Variants in SI observed in about 807,000 individuals in gnomAD.
The protein encoded by SI is sucrase-isomaltase, intestinal.
In SI, 235 loss-of-function variants were observed where a neutral mutation model predicts 253.3. The observed-to-expected ratio is 0.93, with a 90% CI of 0.83 to 1.03. The LOEUF (loss-of-function observed/expected upper bound fraction) is 1.03, where lower values mean the gene tolerates loss of function less well. Ranked by LOEUF, SI falls within the 50% of genes least tolerant of loss-of-function variation. The pLI is 0.00. For missense variants in SI, 2,442 were observed against 2,211.1 expected (o/e 1.10, Z -2.09); for synonymous variants, 819 against 712.0 (o/e 1.15, Z -2.39).
At chr3:165,055,398 A>T (rs1368402295) in intron 12 of SI, 91 bp from the exon 13 acceptor site, 9 of 743,930 alleles carry the variant, frequency 1.2e-5, no homozygotes, top group Non-Finnish European at 1.8e-5. Flanking sequence ...ATAGTAAAAA[A>T]AAATAAAGTT....
At chr3:165,087,681 C>T in the SI span, among the ~76,000 whole-genome samples, 1 of 152,134 alleles carries the variant, frequency 6.6e-6, no homozygotes, top group Admixed American at 6.6e-5. Context: ...AAGTTTTATA[C>T]TTTTTACCTC....
rs1712301007 is a variant in SI at position 165,032,510 on chromosome 3, G to T, written c.2736+12C>A. 2.6e-6 allele frequency: 4 copies of T among 1,562,202 alleles called. No individual in the cohort carries two copies. The highest frequency in any genetic ancestry group is 3.4e-5 in the Admixed American group (2 of 59,330). On this transcript the variant is annotated intron_variant, in intron 24 of 47. Transcript: ENST00000264382. ...ATATGATAGCTAAAATATTTTAAAA[G>T]ATTGTAATTACCTGGTTAGAAGCAT...
In SI at chr3:165,017,766, G is replaced by A; in HGVS notation, c.3628C>T (p.His1210Tyr). Residue 1210 changes from histidine to tyrosine, a missense_variant, in exon 30 of 48, where the codon CAT (histidine) becomes TAT (tyrosine). His to Tyr is a moderately conservative substitution (Grantham distance 83, BLOSUM62 2). Transcript: ENST00000264382. ...PTPEVATKQY[H>Y]EVIGHPVMPA... Reference sequence around the variant, plus strand: ...AAAGAAATATGCAATCATACTTCATGGTATTGCTTTGTTGCAACTTCTGGA... The same window carrying A: ...AAAGAAATATGCAATCATACTTCATAGTATTGCTTTGTTGCAACTTCTGGA... 1 of 1,609,530 alleles carries A rather than the reference G, an allele frequency of 6.2e-7. No individual in the cohort carries two copies. Among genetic ancestry groups the A allele is most frequent in the Non-Finnish European group, 8.5e-7 (1 of 1,176,396 alleles).
intron 37 of SI, among the ~76,000 whole-genome samples, chr3:165,000,403 T>G (rs1448577363): frequency 6.6e-6 from 1 of 151,358 alleles, no homozygotes; most frequent in Non-Finnish European, 1.5e-5. Flanking sequence ...AGTTAATATA[T>G]TGTATATTTC....
At chr3:165,067,236 CT>C in intron 6 of SI, 103 bp downstream of exon 6, 2 of 921,140 alleles carry the variant, frequency 2.2e-6, no homozygotes, top group Non-Finnish European at 3.2e-6. Context: ...CACCTACCCT[CT>C]TTTGGGAGGA....
intron 12 of SI, among the ~76,000 whole-genome samples, chr3:165,057,628 A>G (rs1713759636): frequency 6.6e-6 from 1 of 151,792 alleles, no homozygotes; most frequent in Admixed American, 6.6e-5. Context: ...GCTCCAATAT[A>G]TCTGGCACAG....
chr3:165,042,641 C>A (rs974902268), intron 17 of SI, among the ~76,000 whole-genome samples: 2 of 151,976 alleles, frequency 1.3e-5, no homozygotes, highest in Non-Finnish European at 2.9e-5. Flanking sequence ...TCTTTAAATT[C>A]TTGTTTTACA....
At chr3:165,022,818 T>G (rs1711698586) in intron 26 of SI, among the ~76,000 whole-genome samples, 1 of 151,666 alleles carries the variant, frequency 6.6e-6, no homozygotes, top group Non-Finnish European at 1.5e-5. Flanking sequence ...CACTAAGATT[T>G]ATATGAAAAT....
chr3:165,026,071 T>C (rs1052682545), intron 25 of SI, among the ~76,000 whole-genome samples: 4 of 151,150 alleles, frequency 2.6e-5, no homozygotes, highest in Non-Finnish European at 4.4e-5. Flanking sequence ...CAACCAACTA[T>C]CTGCTGCCTC....
At chr3:164,989,559 G>A (rs767127631) in intron 44 of SI, among the ~76,000 whole-genome samples, 1 of 152,034 alleles carries the variant, frequency 6.6e-6, no homozygotes, top group Non-Finnish European at 1.5e-5. Context: ...TTAGTAGTTT[G>A]ATGGAGTAGT....
In SI at chr3:165,068,794, T is replaced by C. The variant is rs751146912; in HGVS notation, c.411A>G (p.Thr137=). Residue 137 remains threonine, a synonymous_variant, in exon 5 of 48, where the codon ACA becomes ACG. Coordinates refer to ENST00000264382, the MANE Select transcript of SI (RefSeq NM_001041.4). ...CACTGTTGATGTCATTTCCAAATAG[T>C]GTAGGTGAAGGTATCCTGTTTAATT... ...EAKLNRIPSP[T]LFGNDINSVL... 1 of 1,613,696 alleles carries C rather than the reference T, an allele frequency of 6.2e-7. No individual in the cohort carries two copies. The highest frequency in any genetic ancestry group is 8.5e-7 in the Non-Finnish European group (1 of 1,179,796).
chr3:164,980,065 CTGA>C (rs1431695722), intron 47 of SI, among the ~76,000 whole-genome samples: 2 of 151,708 alleles, frequency 1.3e-5, no homozygotes, highest in African/African-American at 4.8e-5. Flanking sequence ...GTCCAATGAA[CTGA>C]TAAGATTTTC....
intron 34 of SI, among the ~76,000 whole-genome samples, chr3:165,010,607 A>T (rs1312178939): frequency 6.6e-6 from 1 of 152,216 alleles, no homozygotes; most frequent in Admixed American, 6.5e-5. Context: ...TTAATAACAA[A>T]TGGTAGTGCC....
chr3:164,987,238 A>G lies in SI; in HGVS notation c.5109-12T>C, dbSNP rs1410807270. 6.2e-7 allele frequency: 1 copy of G among 1,605,948 alleles called. No homozygotes were observed. Among genetic ancestry groups the G allele is most frequent in the South Asian group, 1.1e-5 (1 of 90,904 alleles). ...TGTGTTTTTGTCGACTATAAGAAAG[A>G]AATATATAATTTTACCCATGTTTGT... On this transcript the variant is annotated splice_polypyrimidine_tract_variant and intron_variant, in intron 44 of 47. Transcript: ENST00000264382.
intron 3 of SI, among the ~76,000 whole-genome samples, chr3:165,074,049 T>C (rs1423521376): frequency 2.6e-5 from 4 of 152,066 alleles, no homozygotes; most frequent in East Asian, 1.9e-4. Context: ...ATGAATCCAA[T>C]TGGTTACACC....
At position 164,979,121 on chromosome 3, in the gene SI, C is replaced by G. The variant is rs1717050602; in HGVS notation, c.*241G>C. On this transcript the variant is annotated 3_prime_UTR_variant, in exon 48 of 48. Coordinates refer to ENST00000264382, the MANE Select transcript of SI (RefSeq NM_001041.4). Reference sequence around the variant, plus strand: ...AACTAGTTTACAATTGTAGCTGATACTTAACAAGGATAAATAGGGCTATTC... The same window carrying G: ...AACTAGTTTACAATTGTAGCTGATAGTTAACAAGGATAAATAGGGCTATTC... 2.3e-6 allele frequency: 1 copy of G among 440,984 alleles called. No individual in the cohort carries two copies. The allele number at this position is 440,984 out of a possible 1,614,324, so 27.3% of individuals were successfully genotyped here. A position where few individuals can be genotyped will look rare whatever the true frequency, so the allele number is the denominator to read the frequency against.
At chr3:165,024,327 T>G (rs1711787885) in intron 25 of SI, among the ~76,000 whole-genome samples, 1 of 151,372 alleles carries the variant, frequency 6.6e-6, no homozygotes, top group South Asian at 2.1e-4. Flanking sequence ...AAGTGAGAGA[T>G]AAAACCTAAG....
intron 45 of SI, among the ~76,000 whole-genome samples, chr3:164,986,379 G>T (rs771639363): frequency 1.2e-4 from 18 of 152,048 alleles, no homozygotes; most frequent in Non-Finnish European, 2.4e-4. Flanking sequence ...GTAACAGCTG[G>T]CCATGAAGAA....
Position 165,021,329 on chromosome 3 carries a change from T to C in SI, c.3154A>G (p.Thr1052Ala), listed in dbSNP as rs1297323331. The C allele has an allele frequency of 6.2e-7, 1 of 1,610,976 alleles. No individual in the cohort carries two copies. Among genetic ancestry groups the C allele is most frequent in the Non-Finnish European group, 8.5e-7 (1 of 1,177,684 alleles). ...TCTTCATAAGTACTTATTGGGGTGG[T>C]TGGAATGTTTAACGGTACTGGTACT... ...YEVPVPLNIP[T>A]TPISTYEDRL... Residue 1052 changes from threonine (T) to alanine (A), a missense_variant, in exon 27 of 48, where the codon ACC (threonine) becomes GCC (alanine). Coordinates refer to ENST00000264382, the MANE Select transcript of SI (RefSeq NM_001041.4).
Sources: gnomAD v4.1 joint callset for allele counts (sites outside exome capture counted in the v4.1 genomes callset) on GRCh38, gnomAD v4.1.1 for gene constraint, MANE v1.5 for transcripts, NCBI Gene and HGNC (gene_info 2026-07-23, HGNC 2026-07-21) for gene names.